The following PLGRKT variants were observed in gnomAD, a reference collection of about 807,000 sequenced individuals.
PLGRKT encodes the protein plasminogen receptor with a C-terminal lysine, also known as plasminogen receptor (KT).
A neutral mutation model predicts 18.5 loss-of-function variants in PLGRKT; 22 were observed. The ratio of observed to expected loss-of-function variants is 1.19; its 90% CI spans 0.85 to 1.70. The LOEUF (loss-of-function observed/expected upper bound fraction) is 1.70. Among genes scored for constraint, PLGRKT ranks in the 40% most tolerant of loss-of-function variants. The pLI is 0.00. For missense variants in PLGRKT, 235 were observed against 174.4 expected, an observed-to-expected ratio of 1.35 and a Z score of -1.96; for synonymous variants, 72 against 52.8, an observed-to-expected ratio of 1.36 and a Z score of -1.58.
intron 3 of PLGRKT, among the ~76,000 whole-genome samples, chr9:5,389,656 A>G (rs768254315): frequency 2.6e-5 from 4 of 151,842 alleles, no homozygotes; most frequent in African/African-American, 9.7e-5. Flanking sequence ...CTGCTTCGCA[A>G]ATGATTCACT....
At chr9:5,381,902 G>T in intron 3 of PLGRKT, 2 of 984,854 alleles carry the variant, frequency 2.0e-6, no homozygotes, top group Non-Finnish European at 2.4e-6. Flanking sequence ...ATCACAGAGG[G>T]ACCACATCAT....
In PLGRKT at chr9:5,418,491, G is replaced by T. The variant is rs1245688297; in HGVS notation, c.81+13406C>A. On this transcript the variant is annotated intron_variant, in intron 3 of 5. Coordinates refer to ENST00000223864, the MANE Select transcript of PLGRKT (RefSeq NM_018465.4). The surrounding 1 kb of genome is among the most constrained non-coding windows in gnomAD (Gnocchi z 4.2). Reference sequence around the variant, plus strand: ...CAGTGCACACCCTCAACCACATGGAGCTTTTCACCATGCCCCGCCTGTCCT... The same window carrying T: ...CAGTGCACACCCTCAACCACATGGATCTTTTCACCATGCCCCGCCTGTCCT... 4 of 1,111,774 alleles carry T rather than the reference G, an allele frequency of 3.6e-6. No homozygotes were observed. The highest frequency in any genetic ancestry group is 3.0e-5 in the African/African-American group (2 of 65,938). 68.9% of individuals were successfully genotyped at this position (1,111,774 alleles called of 1,614,324 possible).
At chr9:5,364,257 G>A (rs1435786439) in intron 3 of PLGRKT, among the ~76,000 whole-genome samples, 3 of 152,140 alleles carry the variant, frequency 2.0e-5, no homozygotes, top group African/African-American at 2.4e-5. Context: ...GTGTGCAGCC[G>A]GGACTGAGAA....
chr9:5,376,210 T>C (rs1000731373), intron 3 of PLGRKT, among the ~76,000 whole-genome samples: 3 of 151,246 alleles, frequency 2.0e-5, no homozygotes, highest in Non-Finnish European at 2.9e-5. Flanking sequence ...GAGTGGGGAG[T>C]TTGTGTTTAA....
chr9:5,392,714 A>C (rs1193017794), intron 3 of PLGRKT: 1 of 151,958 alleles, frequency 6.6e-6, no homozygotes, highest in African/African-American at 2.4e-5. Flanking sequence ...AGAATACATA[A>C]AATGTTCAGA....
chr9:5,424,668 T>TTATATATATATATATG (rs1554634175), intron 3 of PLGRKT, among the ~76,000 whole-genome samples: 3 of 113,170 alleles, frequency 2.7e-5, no homozygotes, highest in African/African-American at 1.2e-4. Context: ...ATTATATATT[T>TTATATATATATATATG]TATATATATA....
chr9:5,434,487 C>T (rs1481945863), intron 2 of PLGRKT, among the ~76,000 whole-genome samples: 1 of 145,424 alleles, frequency 6.9e-6, no homozygotes, highest in Non-Finnish European at 1.5e-5. Flanking sequence ...TGCCCGGCTG[C>T]CCCGCCTGGG....
chr9:5,408,429 GTGA>G lies in PLGRKT; in HGVS notation c.81+23465_81+23467del, dbSNP rs368280481. On this transcript the variant is annotated intron_variant, in intron 3 of 5. Coordinates refer to ENST00000223864, the MANE Select transcript of PLGRKT (RefSeq NM_018465.4). ...GATATGCGCAACTTCGAGCTTGAGA[GTGA>G]TGATTTACGGTATCTGGTGGAAGAA... Among the ~76,000 whole-genome samples, 24 of 152,374 alleles carry G rather than the reference GTGA, an allele frequency of 1.6e-4. No individual in the cohort carries two copies. The East Asian group carries it at 2.3e-3, about 15-fold the overall frequency.
At chr9:5,369,052 G>A (rs7037484) in intron 3 of PLGRKT, among the ~76,000 whole-genome samples, 30,190 of 152,070 alleles carry the variant, frequency 0.2, 3,183 homozygotes, top group South Asian at 0.27. Flanking sequence ...CATGGGCAAG[G>A]ACTTCATGAC....
intron 3 of PLGRKT, among the ~76,000 whole-genome samples, chr9:5,424,431 TATTATAAAATATATTATATATTATAAC>T (rs1287312647): frequency 3.7e-5 from 4 of 108,352 alleles, no homozygotes; most frequent in Admixed American, 1.0e-4. Context: ...ATATATAACA[TATTATAAAATATATTATATATTATAAC>T]ATAATATATA....
intron 3 of PLGRKT, among the ~76,000 whole-genome samples, chr9:5,424,671 TATA>T (rs1818656391): frequency 1.4e-5 from 1 of 69,302 alleles, no homozygotes; most frequent in Non-Finnish European, 3.0e-5. Flanking sequence ...ATATATTTTA[TATA>T]TATATATATA....
Position 5,358,213 on chromosome 9 carries a change from T to A in PLGRKT, c.*26A>T, listed in dbSNP as rs1817180129. 6.3e-7 allele frequency: 1 copy of A among 1,582,686 alleles called. No homozygotes were observed. The highest frequency in any genetic ancestry group is 8.7e-7 in the Non-Finnish European group (1 of 1,155,290). ...TGATTCAAGTCAATAATTCTGTGCT[T>A]TGAGATTTGATTGGTAAGCATGATT... On this transcript the variant is annotated 3_prime_UTR_variant, in exon 6 of 6. Coordinates refer to ENST00000223864, the MANE Select transcript of PLGRKT (RefSeq NM_018465.4).
chr9:5,370,804 A>C (rs1817499353), intron 3 of PLGRKT, among the ~76,000 whole-genome samples: 1 of 152,232 alleles, frequency 6.6e-6, no homozygotes, highest in Non-Finnish European at 1.5e-5. Flanking sequence ...TTGTTAAAAC[A>C]AAGCAGCCAT....
At chr9:5,407,878 A>G (rs1563783001) in intron 3 of PLGRKT, among the ~76,000 whole-genome samples, 1 of 152,020 alleles carries the variant, frequency 6.6e-6, no homozygotes, top group East Asian at 1.9e-4. Context: ...ATCTGTAACT[A>G]TGTGTGTGTG....
At chr9:5,371,086 C>A (rs922306788) in intron 3 of PLGRKT, among the ~76,000 whole-genome samples, 1 of 152,200 alleles carries the variant, frequency 6.6e-6, no homozygotes, top group South Asian at 2.1e-4. Context: ...TACATCCATT[C>A]TTACGCGTAC....
intron 5 of PLGRKT, among the ~76,000 whole-genome samples, chr9:5,359,638 T>C (rs1418604269): frequency 2.0e-5 from 3 of 152,234 alleles, no homozygotes; most frequent in African/African-American, 7.2e-5. Context: ...TTTAGGGTCA[T>C]CACTATTAAC....
At chr9:5,407,572 T>C (rs1439595114) in intron 3 of PLGRKT, among the ~76,000 whole-genome samples, 1 of 152,162 alleles carries the variant, frequency 6.6e-6, no homozygotes, top group Non-Finnish European at 1.5e-5. Flanking sequence ...TACAATATTC[T>C]ATTTGGGGTT....
At chr9:5,380,208 C>CA (rs36022173) in intron 3 of PLGRKT, among the ~76,000 whole-genome samples, 1 of 151,478 alleles carries the variant, frequency 6.6e-6, no homozygotes, top group Admixed American at 6.6e-5. Flanking sequence ...ACTAAAAATA[C>CA]AAAAAAATTA....
chr9:5,422,028 AT>A (rs1818585730), intron 3 of PLGRKT, among the ~76,000 whole-genome samples: 1 of 152,000 alleles, frequency 6.6e-6, no homozygotes, highest in Non-Finnish European at 1.5e-5. Context: ...TCAAGCATTT[AT>A]TTTGTTTCCT....
Sources: gnomAD v4.1 joint callset for allele counts (sites outside exome capture counted in the v4.1 genomes callset) on GRCh38, gnomAD v4.1.1 for gene constraint, Gnocchi (gnomAD v3.1) non-coding constraint, MANE v1.5 for transcripts, NCBI Gene and HGNC (gene_info 2026-07-23, HGNC 2026-07-21) for gene names.